Variants in DMD observed in about 807,000 individuals in gnomAD.
DMD encodes the protein mutant dystrophin.
DMD carries 63 observed loss-of-function variants against 330.1 expected under a neutral mutation model. That is an observed-to-expected ratio of 0.19 (90% CI 0.16 to 0.24). The LOEUF (loss-of-function observed/expected upper bound fraction) is 0.24. DMD is among the 10% of genes least tolerant of loss of function. The pLI, the probability that DMD is intolerant of heterozygous loss-of-function variation, is 1.00. For missense variants in DMD, 3,344 were observed against 2,684.1 expected, an observed-to-expected ratio of 1.25 and a Z score of -5.43; for synonymous variants, 1,223 against 959.8, an observed-to-expected ratio of 1.27 and a Z score of -5.07.
At chrX:32,103,899 G>T (rs934256431) in intron 44 of DMD, among the ~76,000 whole-genome samples, 1 of 111,607 alleles carries the variant, frequency 9.0e-6, no homozygotes, top group Non-Finnish European at 1.9e-5. Flanking sequence ...TAGAACAAAA[G>T]AATAGGATTG....
chrX:32,636,390 A>G (rs1292989389), intron 11 of DMD, among the ~76,000 whole-genome samples: 2 of 112,161 alleles, frequency 1.8e-5, no homozygotes, highest in African/African-American at 3.2e-5. Context: ...TCCAACAACT[A>G]GAAATGAAGG....
At chrX:31,878,317 C>T (rs1009802970) in intron 47 of DMD, among the ~76,000 whole-genome samples, 4 of 111,868 alleles carry the variant, frequency 3.6e-5, no homozygotes, top group Non-Finnish European at 3.8e-5. Context: ...TTCTCACTGA[C>T]CTTTGATTTC....
At chrX:31,391,244 G>A (rs1433197668) in intron 60 of DMD, among the ~76,000 whole-genome samples, 2 of 110,241 alleles carry the variant, frequency 1.8e-5, no homozygotes, top group Non-Finnish European at 3.8e-5. Context: ...TCCGCCTCTT[G>A]GGTTCCAGCA....
At chrX:31,490,098 A>G (rs1341197671) in intron 57 of DMD, among the ~76,000 whole-genome samples, 1 of 112,295 alleles carries the variant, frequency 8.9e-6, no homozygotes, top group African/African-American at 3.2e-5. Context: ...ATTTCTATTC[A>G]GCATCCCTAA....
chrX:31,699,273 A>G (rs1253684716), intron 52 of DMD, among the ~76,000 whole-genome samples: 5 of 112,240 alleles, frequency 4.5e-5, no homozygotes, highest in Admixed American at 2.8e-4. Context: ...TTTCAGCTCT[A>G]ACAGTTTGTG....
intron 44 of DMD, among the ~76,000 whole-genome samples, chrX:32,176,891 A>G (rs1251401494): frequency 9.1e-6 from 1 of 110,009 alleles, no homozygotes; most frequent in African/African-American, 3.3e-5. Flanking sequence ...TTTCTCTGCA[A>G]CTCTTTTCCT....
chrX:33,137,621 T>C (rs1050402849), intron 1 of DMD, among the ~76,000 whole-genome samples: 13 of 112,100 alleles, frequency 1.2e-4, no homozygotes, highest in African/African-American at 4.2e-4. Context: ...TGAATAACTA[T>C]TTCAGCACAC....
chrX:33,019,977 C>T (rs1219127246), intron 2 of DMD, among the ~76,000 whole-genome samples, 162 bp downstream of exon 2: 4 of 111,538 alleles, frequency 3.6e-5, no homozygotes, highest in Non-Finnish European at 1.9e-5. Flanking sequence ...CTGCTGCTTA[C>T]TCCTTAAATA....
chrX:31,669,841 G>GAAA (rs552678406), intron 53 of DMD, among the ~76,000 whole-genome samples: 1 of 83,160 alleles, frequency 1.2e-5, no homozygotes, highest in African/African-American at 4.2e-5. Context: ...GTCAATTTCT[G>GAAA]AAAAAAAAAA....
chrX:32,370,455 T>C (rs2097871082), intron 34 of DMD, among the ~76,000 whole-genome samples: 1 of 111,231 alleles, frequency 9.0e-6, no homozygotes, highest in Non-Finnish European at 1.9e-5. Flanking sequence ...TCTATAGCAA[T>C]GTGTATTGAC....
intron 17 of DMD, among the ~76,000 whole-genome samples, chrX:32,522,888 C>T (rs1026731610): frequency 1.5e-4 from 17 of 112,023 alleles, no homozygotes; most frequent in Non-Finnish European, 3.2e-4. Context: ...ATCAAATACC[C>T]TCTGACTCAT....
At chrX:33,304,987 A>G (rs1357677747) in intron 1 of DMD, among the ~76,000 whole-genome samples, 7 of 109,057 alleles carry the variant, frequency 6.4e-5, no homozygotes, top group Non-Finnish European at 1.3e-4. Context: ...AACTAGTTCA[A>G]CCATTGTGGA....
At position 32,223,507 on chromosome X, in the gene DMD, T is replaced by G. The variant is rs191422817; in HGVS notation, c.6291-6444A>C. Among the ~76,000 whole-genome samples, 40 of 111,702 alleles carry G rather than the reference T, an allele frequency of 3.6e-4. No individual in the cohort carries two copies. The East Asian group carries it at 7.9e-3, about 22-fold the overall frequency. ...GGCTATTACTATGCTGCTATGACATTCCCAAACATGTCTCCTGGAATATGA... is the reference window on the plus strand; with the variant it reads ...GGCTATTACTATGCTGCTATGACATGCCCAAACATGTCTCCTGGAATATGA... On this transcript the variant is annotated intron_variant, in intron 43 of 78. Transcript: ENST00000357033.
At chrX:31,293,981 C>T (rs929883804) in intron 62 of DMD, among the ~76,000 whole-genome samples, 1 of 111,384 alleles carries the variant, frequency 9.0e-6, no homozygotes, top group African/African-American at 3.3e-5. Context: ...CATGGTGAGA[C>T]TACCCCCTGC....
chrX:31,383,281 C>T (rs1340616825), intron 60 of DMD, among the ~76,000 whole-genome samples: 1 of 111,784 alleles, frequency 8.9e-6, no homozygotes, highest in Non-Finnish European at 1.9e-5. Flanking sequence ...TGACTCTTTT[C>T]GGACTCAGCT....
intron 52 of DMD, among the ~76,000 whole-genome samples, chrX:31,718,663 G>T (rs1354816646): frequency 1.8e-5 from 2 of 110,892 alleles, no homozygotes; most frequent in African/African-American, 6.6e-5. Flanking sequence ...CAAGAAGAAG[G>T]TTCTCACCAG....
At chrX:31,810,019 T>C (rs1482562578) in intron 50 of DMD, among the ~76,000 whole-genome samples, 1 of 107,920 alleles carries the variant, frequency 9.3e-6, no homozygotes, top group Non-Finnish European at 1.9e-5. Context: ...CATGGGAAGG[T>C]TGATGTATTT....
chrX:31,284,802 T>C (rs2053040672), intron 62 of DMD, among the ~76,000 whole-genome samples: 1 of 104,572 alleles, frequency 9.6e-6, no homozygotes, highest in Non-Finnish European at 1.9e-5. Context: ...TAATGCTTCC[T>C]TAAAGATAAA....
intron 47 of DMD, among the ~76,000 whole-genome samples, chrX:31,889,224 TC>T (rs2094199334): frequency 8.9e-6 from 1 of 112,363 alleles, no homozygotes. Context: ...TATTGACTTT[TC>T]AGTAAACTTT....
Sources: allele counts gnomAD v4.1 joint callset (sites outside exome capture counted in the v4.1 genomes callset), GRCh38; gene constraint gnomAD v4.1.1; transcripts MANE v1.5; gene names NCBI Gene and HGNC (gene_info 2026-07-23, HGNC 2026-07-21).